Variants in THADA observed in about 807,000 individuals in gnomAD.
THADA encodes the protein tRNA (32-2'-O)-methyltransferase regulator THADA.
Under a neutral mutation model 219.8 loss-of-function variants are expected in THADA, and 213 were observed. The ratio of observed to expected loss-of-function variants is 0.97; its 90% CI spans 0.87 to 1.09. The LOEUF (loss-of-function observed/expected upper bound fraction) is 1.09, where lower values mean the gene tolerates loss of function less well. Among genes scored for constraint, THADA ranks in the 50% least tolerant of loss-of-function variants. The probability of loss-of-function intolerance (pLI) is 0.00; values close to 1 mark genes in which losing one functional copy is unlikely to be tolerated. For synonymous variants in THADA, 1,018 were observed against 828.9 expected (o/e 1.23, Z -3.92); for missense variants, 2,956 against 2,311.3 (o/e 1.28, Z -5.72).
intron 36 of THADA, among the ~76,000 whole-genome samples, chr2:43,246,471 G>T (rs1172375338): frequency 5.9e-5 from 9 of 151,718 alleles, no homozygotes; most frequent in Admixed American, 2.6e-4. Flanking sequence ...CTCCAGCCTG[G>T]GTGACAGAGC....
At chr2:43,405,361 A>G (rs1675409622) in intron 28 of THADA, among the ~76,000 whole-genome samples, 1 of 152,252 alleles carries the variant, frequency 6.6e-6, no homozygotes, top group African/African-American at 2.4e-5. Flanking sequence ...GTGAGTTGGA[A>G]AAAGCAGATA....
At chr2:43,256,351 CTT>C (rs76489639) in intron 36 of THADA, among the ~76,000 whole-genome samples, 1 of 145,696 alleles carries the variant, frequency 6.9e-6, no homozygotes, top group Non-Finnish European at 1.5e-5. Flanking sequence ...CTCTCTTCTA[CTT>C]TTTTTTTTTT....
At position 43,550,320 on chromosome 2, in the gene THADA, C is replaced by T. The variant is rs143713930; in HGVS notation, c.2948-952G>A. Among the ~76,000 whole-genome samples the T allele has an allele frequency of 3.3e-3, 498 of 152,262 alleles. 3 individuals carry two copies. Among genetic ancestry groups the T allele is most frequent in the African/African-American group, 0.012 (483 of 41,560 alleles). ...AGGTACTATGGGAAATACAAACACG[C>T]AAATTACTATCATGATGATTCAATC... is the stretch of plus-strand genomic sequence containing the variant. On this transcript the variant is annotated intron_variant, in intron 19 of 37. Coordinates refer to ENST00000405975, the MANE Select transcript of THADA (RefSeq NM_022065.5).
intron 30 of THADA, among the ~76,000 whole-genome samples, chr2:43,334,732 G>A (rs1010341352): frequency 6.6e-6 from 1 of 151,418 alleles, no homozygotes; most frequent in African/African-American, 2.4e-5. Context: ...CCGAGATCGC[G>A]CCACTGCACT....
At chr2:43,543,631 G>A (rs576032796) in intron 20 of THADA, among the ~76,000 whole-genome samples, 2,071 of 152,256 alleles carry the variant, frequency 0.014, 37 homozygotes, top group African/African-American at 0.044. Flanking sequence ...GCCAGTGATG[G>A]TGAGCATTTT....
At chr2:43,551,976 T>C in intron 18 of THADA, 51 bp from the exon 19 acceptor site, 1 of 1,580,836 alleles carries the variant, frequency 6.3e-7, no homozygotes, top group Non-Finnish European at 8.6e-7. Flanking sequence ...AATCACATTT[T>C]AAAAATGAAA....
chr2:43,510,893 C>A (rs1020046428), intron 22 of THADA, among the ~76,000 whole-genome samples: 2 of 151,676 alleles, frequency 1.3e-5, no homozygotes, highest in Non-Finnish European at 2.9e-5. Context: ...ATCGCTTGAA[C>A]TCAGGAAGCA....
At chr2:43,538,385 C>T (rs935179318) in intron 21 of THADA, 2 of 152,136 alleles carry the variant, frequency 1.3e-5, no homozygotes, top group Non-Finnish European at 2.9e-5. Flanking sequence ...TATGAAAGAA[C>T]CTTTCATTAT....
rs77715047 is a variant in THADA, at chr2:43,524,874, C to A, written c.3374+3005G>T. On this transcript the variant is annotated intron_variant, in intron 22 of 37. Transcript: ENST00000405975. ...CCGCTCCATTTATTCGGAATGCCTT[C>A]AACTGTACCATTCAACCACAGTTAT... 1.9e-3 allele frequency among the ~76,000 whole-genome samples: 285 copies of A among 152,326 alleles called. 7 individuals are homozygous for A. In the East Asian group the frequency reaches 0.05, roughly 27 times the overall value.
chr2:43,239,370 GC>G (rs926572759), intron 36 of THADA, among the ~76,000 whole-genome samples: 6 of 152,056 alleles, frequency 3.9e-5, no homozygotes, highest in Non-Finnish European at 5.9e-5. Context: ...CCCATCCCCC[GC>G]CCCCCAACAG....
At chr2:43,590,006 A>G (rs1466449205) in intron 4 of THADA, among the ~76,000 whole-genome samples, 1 of 152,204 alleles carries the variant, frequency 6.6e-6, no homozygotes, top group Non-Finnish European at 1.5e-5. Context: ...GTTTACAGAT[A>G]TATATAAAAA....
At chr2:43,235,196 T>A (rs1558443486) in intron 36 of THADA, among the ~76,000 whole-genome samples, 1 of 152,132 alleles carries the variant, frequency 6.6e-6, no homozygotes, top group Non-Finnish European at 1.5e-5. Flanking sequence ...GCCAGGCTAG[T>A]CTTGAACTCC....
At chr2:43,511,948 G>C (rs142426700) in intron 22 of THADA, among the ~76,000 whole-genome samples, 161 of 152,286 alleles carry the variant, frequency 1.1e-3, no homozygotes, top group African/African-American at 3.6e-3. Context: ...GAAAGAGCTA[G>C]GTCAAGGCCC....
rs192152007 is a variant in THADA at position 43,348,454 on chromosome 2, T to C, written c.4228-4217A>G. Among the ~76,000 whole-genome samples the C allele has an allele frequency of 1.1e-4, 16 of 152,314 alleles. No individual in the cohort carries two copies. The East Asian group carries it at 3.1e-3, about 29-fold the overall frequency. On this transcript the variant is annotated intron_variant, in intron 29 of 37. Transcript: ENST00000405975. ...ATACTTACTGAACCCAAATCTCTAC[T>C]AAAAGTTTGAAAACAAAGAATGGGC...
At chr2:43,345,673 G>C (rs1457336241) in intron 29 of THADA, among the ~76,000 whole-genome samples, 1 of 152,190 alleles carries the variant, frequency 6.6e-6, no homozygotes, top group Non-Finnish European at 1.5e-5. Flanking sequence ...CCACTGTCCT[G>C]AAAGAGCTGG....
chr2:43,281,992 A>G (rs1673418312), intron 35 of THADA, among the ~76,000 whole-genome samples: 1 of 151,760 alleles, frequency 6.6e-6, no homozygotes, highest in African/African-American at 2.4e-5. Flanking sequence ...CTGGTCTCGA[A>G]CTCCTGGGGT....
chr2:43,463,252 C>G (rs1277902744), intron 26 of THADA: 1 of 152,186 alleles, frequency 6.6e-6, no homozygotes, highest in Non-Finnish European at 1.5e-5. Context: ...CTCCCCATAC[C>G]TGATTACACA....
intron 26 of THADA, among the ~76,000 whole-genome samples, chr2:43,453,385 G>C (rs1016382106): frequency 6.6e-6 from 1 of 152,230 alleles, no homozygotes; most frequent in African/African-American, 2.4e-5. Flanking sequence ...TCCAGACGGA[G>C]AGGGAAAGCC....
chr2:43,272,623 C>CT (rs397871468), intron 36 of THADA, among the ~76,000 whole-genome samples: 18,920 of 120,246 alleles, frequency 0.16, 2,076 homozygotes, highest in African/African-American at 0.28. Context: ...TGGTTTTGTG[C>CT]TTTTTTTTTT....
Sources: allele counts gnomAD v4.1 joint callset (sites outside exome capture counted in the v4.1 genomes callset), GRCh38; gene constraint gnomAD v4.1.1; transcripts MANE v1.5; gene names NCBI Gene and HGNC (gene_info 2026-07-23, HGNC 2026-07-21).